LIN52: variants seen among roughly 807,000 people sequenced by gnomAD.
LIN52 encodes lin-52 DREAM MuvB core complex component.
Under a neutral mutation model 18.5 loss-of-function variants are expected in LIN52, and 4 were observed. That is an observed-to-expected ratio of 0.22 (90% confidence interval 0.11 to 0.49). The LOEUF (loss-of-function observed/expected upper bound fraction) is 0.49, where lower values mean the gene tolerates loss of function less well. Ranked by LOEUF, LIN52 falls within the 20% of genes least tolerant of loss-of-function variation. The pLI, the probability that LIN52 is intolerant of heterozygous loss-of-function variation, is 0.97. For synonymous variants in LIN52, 34 were observed against 45.5 expected (o/e 0.75, Z 1.02); for missense variants, 102 against 139.5 (o/e 0.73, Z 1.35).
intron 5 of LIN52, among the ~76,000 whole-genome samples, chr14:74,196,378 G>A (rs1208904620): frequency 1.3e-5 from 2 of 152,180 alleles, no homozygotes; most frequent in African/African-American, 4.8e-5. Context: ...GAGTTGGTGA[G>A]TCTGAAGGTC....
chr14:74,155,485 T>G (rs1224034912), intron 5 of LIN52, among the ~76,000 whole-genome samples: 1 of 152,210 alleles, frequency 6.6e-6, no homozygotes, highest in Non-Finnish European at 1.5e-5. Context: ...AATTGAATTT[T>G]GAACACAAAC....
intron 5 of LIN52, among the ~76,000 whole-genome samples, chr14:74,177,002 CTT>C (rs879637144): frequency 1.4e-5 from 2 of 145,694 alleles, no homozygotes; most frequent in Admixed American, 6.9e-5. Context: ...GTTGTTTCCA[CTT>C]TTTTTTTTTT....
chr14:74,128,525 A>G (rs1004223683), intron 5 of LIN52, among the ~76,000 whole-genome samples: 3 of 152,232 alleles, frequency 2.0e-5, no homozygotes, highest in Non-Finnish European at 4.4e-5. Context: ...ACAGGACACC[A>G]GGGAGGACTC....
Position 74,095,951 on chromosome 14 carries a change from C to A in LIN52, c.98C>A (p.Pro33Gln). 1 of 1,604,930 alleles carries A rather than the reference C, an allele frequency of 6.2e-7. No individual in the cohort carries two copies. Among genetic ancestry groups the A allele is most frequent in the Non-Finnish European group, 8.5e-7 (1 of 1,173,862 alleles). Residue 33 changes from proline to glutamine, a missense_variant, in exon 3 of 6, where the codon CCA (proline) becomes CAA (glutamine). Pro to Gln is a moderately conservative substitution (Grantham distance 76). Coordinates refer to ENST00000555028, the MANE Select transcript of LIN52 (RefSeq NM_001024674.3). ...AAAGTTTTGTTTTTCTTTTTAGTAC[C>A]AGGTGTTGCTGAATTTGCAGCTTCC... ...ASPDLWPEQL[P>Q]GVAEFAASFK...
chr14:74,129,900 G>A (rs1465495638), intron 5 of LIN52, among the ~76,000 whole-genome samples: 1 of 152,228 alleles, frequency 6.6e-6, no homozygotes, highest in Non-Finnish European at 1.5e-5. Flanking sequence ...GGAAGAAAAA[G>A]AGGTTTAATG....
At chr14:74,197,189 A>G (rs2078918274) in intron 5 of LIN52, among the ~76,000 whole-genome samples, 1 of 152,142 alleles carries the variant, frequency 6.6e-6, no homozygotes, top group African/African-American at 2.4e-5. Flanking sequence ...GGAAACTAAC[A>G]TTTTTTGCAT....
At chr14:74,183,947 T>C (rs1448374622) in intron 5 of LIN52, among the ~76,000 whole-genome samples, 1 of 152,224 alleles carries the variant, frequency 6.6e-6, no homozygotes, top group African/African-American at 2.4e-5. Flanking sequence ...TAGGTTTGTT[T>C]GAATCAGGAT....
intron 5 of LIN52, among the ~76,000 whole-genome samples, chr14:74,186,285 C>G (rs2061340243): frequency 1.3e-5 from 2 of 151,706 alleles, no homozygotes; most frequent in Non-Finnish European, 2.9e-5. Flanking sequence ...GAGTGAGACT[C>G]TGTCTCAAAA....
At chr14:74,135,168 G>A (rs1276312663) in intron 5 of LIN52, among the ~76,000 whole-genome samples, 2 of 152,096 alleles carry the variant, frequency 1.3e-5, no homozygotes, top group Non-Finnish European at 2.9e-5. Flanking sequence ...GGGTTCAAGC[G>A]ATTCCCCTGG....
intron 2 of LIN52, among the ~76,000 whole-genome samples, chr14:74,095,420 C>G (rs2060804394): frequency 6.6e-6 from 1 of 151,980 alleles, no homozygotes; most frequent in South Asian, 2.1e-4. Context: ...CAGGCATGAG[C>G]CACTGCACCC....
chr14:74,160,196 T>C (rs1222658785), intron 5 of LIN52, among the ~76,000 whole-genome samples: 2 of 152,062 alleles, frequency 1.3e-5, no homozygotes, highest in African/African-American at 4.8e-5. Flanking sequence ...GAGACAGACA[T>C]GCATAGAGGG....
At chr14:74,198,720 T>G (rs763439452) in intron 5 of LIN52, among the ~76,000 whole-genome samples, 1 of 152,230 alleles carries the variant, frequency 6.6e-6, no homozygotes, top group Non-Finnish European at 1.5e-5. Context: ...ATTGCCAACT[T>G]CAGAATAGCT....
In LIN52 at chr14:74,094,258, GT is replaced by G. The variant is rs34744239; in HGVS notation, c.95-1675del. Among the ~76,000 whole-genome samples, 786 of 144,234 alleles carry G rather than the reference GT, an allele frequency of 5.4e-3. 7 individuals are homozygous for G. Among genetic ancestry groups the G allele is most frequent in the Non-Finnish European group, 8.1e-3 (531 of 65,678 alleles). 94.6% of individuals were successfully genotyped at this position (144,234 alleles called of 152,430 possible). On this transcript the variant is annotated intron_variant, in intron 2 of 5. Transcript: ENST00000555028. Reference sequence around the variant, plus strand: ...AAACTTAAGTTATATCTACTTTGTAGTTTTTTTTTTTTTTTAATTTGAGCAA... The same window carrying G: ...AAACTTAAGTTATATCTACTTTGTAGTTTTTTTTTTTTTTAATTTGAGCAA...
At chr14:74,148,510 AG>A (rs1953285258) in intron 5 of LIN52, among the ~76,000 whole-genome samples, 1 of 152,192 alleles carries the variant, frequency 6.6e-6, no homozygotes, top group Non-Finnish European at 1.5e-5. Flanking sequence ...GAGAGATTAC[AG>A]TAGGCTAAAG....
intron 3 of LIN52, 53 bp from the exon 4 acceptor site, chr14:74,097,741 A>T (rs1396581878): frequency 3.1e-6 from 4 of 1,294,128 alleles, no homozygotes; most frequent in Non-Finnish European, 4.5e-6. Context: ...TAAGAATAAT[A>T]GGGTCTCCTC....
intron 5 of LIN52, among the ~76,000 whole-genome samples, chr14:74,111,914 C>T (rs149168029): frequency 0.01 from 1,550 of 151,048 alleles, 31 homozygotes; most frequent in African/African-American, 0.036. Context: ...GAGTTTCGCT[C>T]TTGTCGCCCA....
chr14:74,130,277 G>GTTTTTTTTTTTTTTTTTTTTT (rs371965343), intron 5 of LIN52, among the ~76,000 whole-genome samples: 1 of 46,426 alleles, frequency 2.2e-5, no homozygotes. Context: ...GGCATTTTTT[G>GTTTTTTTTTTTTTTTTTTTTT]GTTTTTTTTT....
chr14:74,143,622 A>C (rs11626336), intron 5 of LIN52, among the ~76,000 whole-genome samples: 117,627 of 151,710 alleles, frequency 0.78, 45,929 homozygotes, highest in Admixed American at 0.81. Context: ...TTTTTTTTTA[A>C]CTATACAAAT....
chr14:74,136,233 C>G (rs1460861397), intron 5 of LIN52, among the ~76,000 whole-genome samples: 2 of 152,194 alleles, frequency 1.3e-5, no homozygotes, highest in African/African-American at 2.4e-5. Context: ...GCTTAACATT[C>G]ATTTTGATGC....
Sources: allele counts gnomAD v4.1 joint callset (sites outside exome capture counted in the v4.1 genomes callset), GRCh38; gene constraint gnomAD v4.1.1; transcripts MANE v1.5; gene names NCBI Gene and HGNC (gene_info 2026-07-23, HGNC 2026-07-21).